TAFA2: variants seen among roughly 807,000 people sequenced by gnomAD.
TAFA2 encodes chemokine-like protein TAFA-2.
Under a neutral mutation model 18.8 loss-of-function variants are expected in TAFA2, and 7 were observed. The observed-to-expected ratio is 0.37, with a 90% CI of 0.21 to 0.70. The LOEUF is 0.70. TAFA2 is among the 30% of genes least tolerant of loss of function. The pLI, the probability that TAFA2 is intolerant of heterozygous loss-of-function variation, is 0.53. For synonymous variants in TAFA2, 60 were observed against 54.2 expected, an observed-to-expected ratio of 1.11 and a Z score of -0.47; for missense variants, 122 against 158.1, an observed-to-expected ratio of 0.77 and a Z score of 1.23.
chr12:61,914,443 T>C (rs886671054), intron 1 of TAFA2, among the ~76,000 whole-genome samples: 1 of 152,170 alleles, frequency 6.6e-6, no homozygotes, highest in Admixed American at 6.5e-5. Context: ...CTTGAATGCC[T>C]ATAAGGTTGG....
intron 2 of TAFA2, among the ~76,000 whole-genome samples, chr12:61,788,171 T>C (rs564451220): frequency 2.0e-5 from 3 of 151,738 alleles, no homozygotes; most frequent in East Asian, 1.9e-4. Flanking sequence ...TAAATATATA[T>C]GCATCCAGTG....
chr12:62,040,766 G>A (rs1881735320), intron 1 of TAFA2, among the ~76,000 whole-genome samples: 1 of 152,230 alleles, frequency 6.6e-6, no homozygotes, highest in Non-Finnish European at 1.5e-5. Context: ...AAGTACCCAC[G>A]AATGACACTA....
chr12:61,983,383 G>GTTTGC (rs1555181115), intron 1 of TAFA2, among the ~76,000 whole-genome samples: 4 of 146,642 alleles, frequency 2.7e-5, no homozygotes, highest in African/African-American at 5.0e-5. Context: ...CTGGGATTCT[G>GTTTGC]TTTGTTTTGT....
chr12:61,953,275 C>G (rs1447907240), intron 1 of TAFA2, among the ~76,000 whole-genome samples: 2 of 152,026 alleles, frequency 1.3e-5, no homozygotes, highest in African/African-American at 4.8e-5. Flanking sequence ...TCCACCTAGT[C>G]TGTGTTTTTA....
chr12:62,133,225 C>G (rs1870760445), intron 1 of TAFA2, among the ~76,000 whole-genome samples: 1 of 152,000 alleles, frequency 6.6e-6, no homozygotes, highest in Non-Finnish European at 1.5e-5. Flanking sequence ...TGTTGACACA[C>G]TCCCAAAGAC....
chr12:61,934,758 A>C (rs758697026), intron 1 of TAFA2, among the ~76,000 whole-genome samples: 3 of 152,212 alleles, frequency 2.0e-5, no homozygotes, highest in Non-Finnish European at 4.4e-5. Flanking sequence ...GACCTTTCAC[A>C]CTGTCTCTCT....
At chr12:62,093,808 G>T (rs1868826567) in intron 1 of TAFA2, among the ~76,000 whole-genome samples, 1 of 151,984 alleles carries the variant, frequency 6.6e-6, no homozygotes, top group Admixed American at 6.6e-5. Context: ...AAATTATTCA[G>T]TGTTAAGACC....
chr12:61,926,179 T>C (rs531707521), intron 1 of TAFA2, among the ~76,000 whole-genome samples: 75 of 152,122 alleles, frequency 4.9e-4, no homozygotes, highest in Non-Finnish European at 8.7e-4. Context: ...CAAAAACAAG[T>C]TCTGAAATTG....
chr12:61,891,478 C>A (rs990992844), intron 1 of TAFA2, among the ~76,000 whole-genome samples: 2 of 152,102 alleles, frequency 1.3e-5, no homozygotes, highest in Non-Finnish European at 2.9e-5. Flanking sequence ...GCAACCTTGC[C>A]TCTACTAAAA....
intron 1 of TAFA2, among the ~76,000 whole-genome samples, chr12:61,886,945 C>T (rs373666074): frequency 7.2e-5 from 11 of 152,168 alleles, no homozygotes; most frequent in African/African-American, 2.2e-4. Flanking sequence ...GCAAAATTAA[C>T]GAGTGCCTCA....
chr12:62,157,522 C>T (rs926820663), intron 1 of TAFA2, among the ~76,000 whole-genome samples: 10 of 152,218 alleles, frequency 6.6e-5, no homozygotes, highest in Admixed American at 4.6e-4. Context: ...CAGCTCACCA[C>T]GGCTGATGAA....
At chr12:61,750,672 T>G (rs1286404652) in intron 4 of TAFA2, among the ~76,000 whole-genome samples, 1 of 152,154 alleles carries the variant, frequency 6.6e-6, no homozygotes, top group African/African-American at 2.4e-5. Context: ...CATGCAAGCC[T>G]TATTACTATT....
At chr12:61,954,216 C>CA (rs1319352838) in intron 1 of TAFA2, among the ~76,000 whole-genome samples, 1 of 152,100 alleles carries the variant, frequency 6.6e-6, no homozygotes, top group African/African-American at 2.4e-5. Flanking sequence ...CAAGTAAGAA[C>CA]ATGTAGTATT....
intron 1 of TAFA2, among the ~76,000 whole-genome samples, chr12:62,012,197 CTGGTG>C (rs1293688916): frequency 2.0e-5 from 3 of 152,132 alleles, no homozygotes; most frequent in African/African-American, 7.2e-5. Flanking sequence ...CTCATATACA[CTGGTG>C]CATTGAGAAA....
At chr12:62,175,084 T>C (rs1177225072) in intron 1 of TAFA2, among the ~76,000 whole-genome samples, 2 of 152,222 alleles carry the variant, frequency 1.3e-5, no homozygotes, top group African/African-American at 4.8e-5. Flanking sequence ...AATTATTGAA[T>C]GAAATTTTAG....
At chr12:61,821,479 G>T (rs1279793501) in intron 2 of TAFA2, among the ~76,000 whole-genome samples, 2 of 151,826 alleles carry the variant, frequency 1.3e-5, no homozygotes, top group African/African-American at 4.8e-5. Context: ...AAACTGGATT[G>T]CAAGCAAAAA....
intron 2 of TAFA2, among the ~76,000 whole-genome samples, chr12:61,835,473 C>G (rs1441249492): frequency 6.6e-6 from 1 of 151,922 alleles, no homozygotes; most frequent in Non-Finnish European, 1.5e-5. Context: ...TCCCATCACT[C>G]AGATAGTGAA....
At chr12:61,847,200 A>G (rs1873444129) in intron 2 of TAFA2, among the ~76,000 whole-genome samples, 1 of 152,244 alleles carries the variant, frequency 6.6e-6, no homozygotes, top group South Asian at 2.1e-4. Context: ...ATACACATGC[A>G]CACATTTTGT....
chr12:62,058,403 C>T (rs887039236), intron 1 of TAFA2, among the ~76,000 whole-genome samples: 1 of 152,144 alleles, frequency 6.6e-6, no homozygotes, highest in African/African-American at 2.4e-5. Context: ...AGACTTTTCA[C>T]GTATTGTTTT....
Sources: allele counts gnomAD v4.1 joint callset (sites outside exome capture counted in the v4.1 genomes callset), GRCh38; gene constraint gnomAD v4.1.1; transcripts MANE v1.5; gene names NCBI Gene and HGNC (gene_info 2026-07-23, HGNC 2026-07-21).